Variants in PARP15 observed in about 807,000 individuals in gnomAD.
The protein encoded by PARP15 is protein mono-ADP-ribosyltransferase PARP15.
In PARP15, 50 loss-of-function variants were observed where a neutral mutation model predicts 62.1. The ratio of observed to expected loss-of-function variants is 0.81; its 90% CI spans 0.64 to 1.02. The LOEUF is 1.02. Ranked by LOEUF, PARP15 falls within the 50% of genes least tolerant of loss-of-function variation. The probability of loss-of-function intolerance (pLI) is 0.00; values close to 1 mark genes in which losing one functional copy is unlikely to be tolerated. For missense variants in PARP15, 820 were observed against 826.5 expected, an observed-to-expected ratio of 0.99 and a Z score of 0.10; for synonymous variants, 309 against 293.1, an observed-to-expected ratio of 1.05 and a Z score of -0.55.
intron 10 of PARP15, among the ~76,000 whole-genome samples, chr3:122,633,603 A>T (rs1022896055): frequency 6.6e-6 from 1 of 152,046 alleles, no homozygotes; most frequent in Admixed American, 6.6e-5. Flanking sequence ...TTGTTAATAC[A>T]TTTTATGAAG....
At position 122,594,913 on chromosome 3, in the gene PARP15, G is replaced by A. The variant is rs544503222; in HGVS notation, c.187-11023G>A. On this transcript the variant is annotated intron_variant, in intron 1 of 11. Transcript: ENST00000464300. ...TTCTTCAAAAATCCCAAAAATGGAA[G>A]AGAAAGAGTAACCAATGTTCAGTAT... 9.1e-4 allele frequency: 867 copies of A among 949,112 alleles called. 2 individuals are homozygous for A. The highest frequency in any genetic ancestry group is 3.8e-3 in the Admixed American group (61 of 16,204). The allele number at this position is 949,112 out of a possible 1,614,324, so 58.8% of individuals were successfully genotyped here.
rs768143154 is a variant in PARP15 at position 122,636,106 on chromosome 3, T to C, written c.*6T>C. 5.0e-6 allele frequency: 8 copies of C among 1,604,028 alleles called. No homozygotes were observed. The South Asian group carries it at 5.5e-5, about 11-fold the overall frequency. On this transcript the variant is annotated 3_prime_UTR_variant, in exon 12 of 12. Coordinates refer to ENST00000464300, the MANE Select transcript of PARP15 (RefSeq NM_001113523.3). ...TCATAACTTTCACGGCTTAAAAATA[T>C]TTTTATCATCAAAGAGATGATTTAA... is the stretch of plus-strand genomic sequence containing the variant.
rs541380478 is a variant in PARP15, at chr3:122,588,112, C to T, written c.186+10259C>T. Among the ~76,000 whole-genome samples, 3 of 152,114 alleles carry T rather than the reference C, an allele frequency of 2.0e-5. No individual in the cohort carries two copies. The South Asian group carries it at 6.2e-4, about 32-fold the overall frequency. On this transcript the variant is annotated intron_variant, in intron 1 of 11. Coordinates refer to ENST00000464300, the MANE Select transcript of PARP15 (RefSeq NM_001113523.3). The stretch of plus-strand genomic sequence containing the variant: ...TCCTAATCATTTCCTTTGGTATTAT[C>T]TTTTTAAAAATATCTACATTTTGCT...
In PARP15 at chr3:122,635,096, A is replaced by G. The variant is rs771088022; in HGVS notation, c.1649A>G (p.His550Arg). The stretch of plus-strand genomic sequence containing the variant: ...AGGCAAATGGATATCAAGAATGACC[A>G]TAAGAATAATGAGAGACTCCTCTTC... ...KKRQMDIKND[H>R]KNNERLLFHG... is the part of the protein sequence containing the mutation. The change falls in exon 11 of 12, where the codon CAT becomes CGT. Residue 550 changes from histidine to arginine, a missense_variant. By Grantham distance (29) the His-to-Arg change is conservative (BLOSUM62 0). Around this residue, in one of 3 missense-constraint regions of PARP15, gnomAD observed 731 missense variants for 727.7 expected, o/e 1.00. Transcript: ENST00000464300. The G allele has an allele frequency of 2.5e-6, 4 of 1,614,130 alleles. No homozygotes were observed. Among genetic ancestry groups the G allele is most frequent in the Non-Finnish European group, 3.4e-6 (4 of 1,179,968 alleles).
At chr3:122,613,383 T>C (rs1935715238) in intron 4 of PARP15, 115 bp downstream of exon 4, 1 of 890,950 alleles carries the variant, frequency 1.1e-6, no homozygotes, top group South Asian at 1.6e-5. Context: ...TAAGTGATGG[T>C]TGCTAATGGG....
intron 4 of PARP15, among the ~76,000 whole-genome samples, chr3:122,614,068 C>A (rs961763304): frequency 1.3e-5 from 2 of 151,900 alleles, no homozygotes; most frequent in Admixed American, 1.3e-4. Context: ...CTGGTCCTGA[C>A]CTCAGGTGAT....
In PARP15 at chr3:122,577,934, G is replaced by A. The variant is rs543343930; in HGVS notation, c.186+81G>A. 1.4e-5 allele frequency: 20 copies of A among 1,404,646 alleles called. No homozygotes were observed. In the East Asian group the frequency reaches 4.7e-4, roughly 33 times the overall value. The allele number at this position is 1,404,646 out of a possible 1,614,324, so 87.0% of individuals were successfully genotyped here. On this transcript the variant is annotated intron_variant, in intron 1 of 11. Coordinates refer to ENST00000464300, the MANE Select transcript of PARP15 (RefSeq NM_001113523.3). ...CCGCAAGACCCAGCAGCCCGAGCGG[G>A]CGCAGAGACCCCACGCCACGCACAA...
Position 122,636,063 on chromosome 3 carries a change from A to G in PARP15, c.2000A>G (p.Gln667Arg). 6.2e-7 allele frequency: 1 copy of G among 1,613,534 alleles called. No homozygotes were observed. The highest frequency in any genetic ancestry group is 1.7e-4 in the Middle Eastern group (1 of 6,060). ...PKLFVVFFDN[Q>R]AYPEYLITFT... ...CTATTTGTGGTATTCTTTGATAATC[A>G]GGCTTACCCAGAATATCTCATAACT... The change falls in exon 12 of 12, where the codon CAG becomes CGG. Residue 667 changes from glutamine to arginine, a missense_variant. Transcript: ENST00000464300.
At chr3:122,585,442 A>G (rs1438387122) in intron 1 of PARP15, among the ~76,000 whole-genome samples, 1 of 152,224 alleles carries the variant, frequency 6.6e-6, no homozygotes, top group Non-Finnish European at 1.5e-5. Context: ...TAGTGCTAAG[A>G]GACATGATCT....
At chr3:122,598,407 C>G (rs1007371010) in intron 1 of PARP15, among the ~76,000 whole-genome samples, 5 of 152,120 alleles carry the variant, frequency 3.3e-5, no homozygotes, top group African/African-American at 1.2e-4. Flanking sequence ...CTGCAGTCAT[C>G]GTAGGCTTGA....
At chr3:122,619,969 C>A in intron 7 of PARP15, 126 bp downstream of exon 7, 2 of 831,034 alleles carry the variant, frequency 2.4e-6, no homozygotes, top group Non-Finnish European at 2.1e-6. Context: ...AAGGTTGGTT[C>A]ACTGGAAGAG....
chr3:122,609,964 T>G (rs1292828296), intron 2 of PARP15, among the ~76,000 whole-genome samples: 2 of 152,230 alleles, frequency 1.3e-5, no homozygotes, highest in African/African-American at 4.8e-5. Context: ...GACTTTCCTT[T>G]GCCAAGGCCT....
chr3:122,615,974 TG>T, intron 5 of PARP15, 117 bp downstream of exon 5: 1 of 982,224 alleles, frequency 1.0e-6, no homozygotes, highest in Non-Finnish European at 1.6e-6. Flanking sequence ...AAATCTGTGA[TG>T]GGGGAGGTGT....
chr3:122,611,834 C>G (rs566388877), intron 3 of PARP15, among the ~76,000 whole-genome samples: 1 of 152,254 alleles, frequency 6.6e-6, no homozygotes, highest in Non-Finnish European at 1.5e-5. Context: ...CCTGCCTCAG[C>G]CTCCCGAGTA....
intron 4 of PARP15, chr3:122,615,389 C>CCT (rs1576524000): frequency 9.3e-6 from 12 of 1,297,164 alleles, no homozygotes; most frequent in Non-Finnish European, 1.1e-5. Context: ...ACGTTGTTGC[C>CCT]CTGCCCCCTG....
At chr3:122,589,974 G>A (rs961115551) in intron 1 of PARP15, among the ~76,000 whole-genome samples, 1 of 141,928 alleles carries the variant, frequency 7.0e-6, no homozygotes, top group African/African-American at 2.6e-5. Context: ...CAAGCTCTGT[G>A]TCCTGGGTTC....
intron 1 of PARP15, among the ~76,000 whole-genome samples, chr3:122,588,500 T>A (rs1021398957): frequency 2.0e-5 from 3 of 152,138 alleles, no homozygotes; most frequent in African/African-American, 7.2e-5. Flanking sequence ...TATCTACTTT[T>A]AGAAATTTTC....
chr3:122,635,760 A>C (rs1341788418), intron 11 of PARP15, 51 bp from the exon 12 acceptor site: 1 of 1,562,634 alleles, frequency 6.4e-7, no homozygotes, highest in Non-Finnish European at 8.6e-7. Context: ...ATGGTTCTAC[A>C]CATTGTGTAA....
chr3:122,635,234 A>T lies in PARP15; in HGVS notation c.1747+40A>T, dbSNP rs767912763. 2.5e-6 allele frequency: 4 copies of T among 1,588,844 alleles called. No homozygotes were observed. The South Asian group carries it at 3.4e-5, about 13-fold the overall frequency. On this transcript the variant is annotated intron_variant, in intron 11 of 11. Transcript: ENST00000464300. Reference sequence around the variant, plus strand: ...AATTTGGCTGATCAGAATAAGGCAAACAATAGTCTCAGACTTTTCATACCC... The same window carrying T: ...AATTTGGCTGATCAGAATAAGGCAATCAATAGTCTCAGACTTTTCATACCC...
Sources: allele counts gnomAD v4.1 joint callset (sites outside exome capture counted in the v4.1 genomes callset), GRCh38; gene constraint gnomAD v4.1.1; regional missense constraint gnomAD v4.1.1; transcripts MANE v1.5; gene names NCBI Gene and HGNC (gene_info 2026-07-23, HGNC 2026-07-21).